NBEA: variants seen among roughly 807,000 people sequenced by gnomAD.
NBEA encodes the protein neurobeachin, also known as lysosomal-trafficking regulator 2.
Under a neutral mutation model 343.4 loss-of-function variants are expected in NBEA, and 44 were observed. The ratio of observed to expected loss-of-function variants is 0.13; its 90% CI spans 0.10 to 0.16. The LOEUF (loss-of-function observed/expected upper bound fraction) is 0.16. Ranked by LOEUF, NBEA falls within the 10% of genes least tolerant of loss-of-function variation. NBEA has a pLI of 1.00. For synonymous variants in NBEA, 1,175 were observed against 1,238.7 expected (o/e 0.95, Z 1.08); for missense variants, 2,555 against 3,631.3 (o/e 0.70, Z 7.62).
intron 41 of NBEA, chr13:35,474,901 G>A (rs2075794540): frequency 1.1e-6 from 1 of 910,630 alleles, no homozygotes; most frequent in Admixed American, 2.8e-5. Flanking sequence ...CCCCTTGTGG[G>A]GGTGGGTGAG....
intron 58 of NBEA, among the ~76,000 whole-genome samples, 152 bp from the exon 59 acceptor site, chr13:35,670,749 A>G (rs781330127): frequency 8.5e-5 from 13 of 152,220 alleles, no homozygotes; most frequent in Non-Finnish European, 1.5e-4. Flanking sequence ...TTTCAGTCCT[A>G]CTTCCATGAA....
chr13:35,269,657 T>A (rs1428609932), intron 34 of NBEA, among the ~76,000 whole-genome samples: 1 of 152,126 alleles, frequency 6.6e-6, no homozygotes, highest in Non-Finnish European at 1.5e-5. Context: ...AACAGACCAT[T>A]CGTTGGAGAA....
chr13:35,418,677 T>C (rs1286851970), intron 38 of NBEA, among the ~76,000 whole-genome samples: 1 of 152,090 alleles, frequency 6.6e-6, no homozygotes, highest in East Asian at 1.9e-4. Flanking sequence ...CTGGCACAGA[T>C]GCCAAATATA....
chr13:35,096,479 A>G (rs1342332921), intron 10 of NBEA, among the ~76,000 whole-genome samples: 1 of 151,936 alleles, frequency 6.6e-6, no homozygotes, highest in African/African-American at 2.4e-5. Context: ...TAAAAGAATG[A>G]GAAAATCCAT....
chr13:35,288,996 T>C (rs1435368668), intron 34 of NBEA, among the ~76,000 whole-genome samples: 1 of 151,950 alleles, frequency 6.6e-6, no homozygotes, highest in Admixed American at 6.6e-5. Flanking sequence ...CCCAAATATC[T>C]GATAAGATGG....
chr13:35,277,868 C>T (rs1156316361), intron 34 of NBEA, among the ~76,000 whole-genome samples: 1 of 151,330 alleles, frequency 6.6e-6, no homozygotes, highest in Admixed American at 6.6e-5. Context: ...AGGCAGATCA[C>T]TTGAGGCCAG....
chr13:35,616,661 C>T (rs2082751561), intron 48 of NBEA, among the ~76,000 whole-genome samples: 1 of 152,068 alleles, frequency 6.6e-6, no homozygotes, highest in Non-Finnish European at 1.5e-5. Context: ...GTAGGTTTTC[C>T]CTCTTACTGT....
chr13:35,426,867 A>ACTTCT (rs1335440951), intron 38 of NBEA, among the ~76,000 whole-genome samples: 1 of 151,478 alleles, frequency 6.6e-6, no homozygotes, highest in Non-Finnish European at 1.5e-5. Context: ...TTTTCTCTAA[A>ACTTCT]CTTCTCGCTT....
intron 33 of NBEA, among the ~76,000 whole-genome samples, chr13:35,223,025 G>A (rs955451429): frequency 3.3e-5 from 5 of 152,092 alleles, no homozygotes; most frequent in Middle Eastern, 3.2e-3. Context: ...CAGCTACTCC[G>A]GAGTCTGAGG....
At position 35,208,762 on chromosome 13, in the gene NBEA, C is replaced by A; in HGVS notation, c.5429C>A (p.Ala1810Asp). Residue 1810 changes from alanine to aspartate, a missense_variant, in exon 32 of 59, where the codon GCC (alanine) becomes GAC (aspartate). Around this residue, in one of 21 missense-constraint regions of NBEA, gnomAD observed 270 missense variants for 293.3 expected, o/e 0.92. Coordinates refer to ENST00000379939, the MANE Select transcript of NBEA (RefSeq NM_001385012.1). Reference sequence around the variant, plus strand: ...AGTTTAGCTGTAACCACTGTGGGAGCCACTACTGCTGGAAGTGGGCTGCCA... The same window carrying A: ...AGTTTAGCTGTAACCACTGTGGGAGACACTACTGCTGGAAGTGGGCTGCCA... ...PGSLAVTTVG[A>D]TTAGSGLPTG... 1.9e-6 allele frequency: 3 copies of A among 1,611,816 alleles called. No individual in the cohort carries two copies. The highest frequency in any genetic ancestry group is 1.7e-6 in the Non-Finnish European group (2 of 1,178,660).
chr13:35,230,686 C>T (rs2074919389), intron 33 of NBEA, among the ~76,000 whole-genome samples: 1 of 152,024 alleles, frequency 6.6e-6, no homozygotes, highest in Non-Finnish European at 1.5e-5. Flanking sequence ...TATTCACTAA[C>T]AGGTAACTTA....
At position 35,671,127 on chromosome 13, in the gene NBEA, C is replaced by T; in HGVS notation, c.*136C>T. 5.0e-6 allele frequency: 3 copies of T among 604,414 alleles called. No homozygotes were observed. Among genetic ancestry groups the T allele is most frequent in the Non-Finnish European group, 8.8e-6 (3 of 341,108 alleles). 37.4% of individuals were successfully genotyped at this position (604,414 alleles called of 1,614,324 possible). A position where few individuals can be genotyped will look rare whatever the true frequency, so the allele number is the denominator to read the frequency against. On this transcript the variant is annotated 3_prime_UTR_variant, in exon 59 of 59. Transcript: ENST00000379939. The stretch of plus-strand genomic sequence containing the variant: ...TCCATCACACCCAGCAATAGCTGTA[C>T]ATTGTAGTCAGCAACCATTTTACTT...
At chr13:35,084,076 C>A (rs980925699) in intron 10 of NBEA, among the ~76,000 whole-genome samples, 1 of 152,122 alleles carries the variant, frequency 6.6e-6, no homozygotes, top group African/African-American at 2.4e-5. Flanking sequence ...ATTCATAAAG[C>A]AAGTCCTTAG....
At chr13:35,599,353 A>C (rs546510371) in intron 47 of NBEA, among the ~76,000 whole-genome samples, 67 of 152,346 alleles carry the variant, frequency 4.4e-4, no homozygotes, top group Non-Finnish European at 8.5e-4. Context: ...ATTCATCGAC[A>C]ATTATGCAAT....
chr13:35,259,986 T>C (rs1051675064), intron 34 of NBEA, among the ~76,000 whole-genome samples: 8 of 152,248 alleles, frequency 5.3e-5, no homozygotes, highest in Non-Finnish European at 1.2e-4. Flanking sequence ...GCTTTAACAA[T>C]TGATGGCTAC....
At chr13:35,278,262 A>G (rs2034782834) in intron 34 of NBEA, among the ~76,000 whole-genome samples, 1 of 151,930 alleles carries the variant, frequency 6.6e-6, no homozygotes, top group Non-Finnish European at 1.5e-5. Flanking sequence ...AGGATGTTAT[A>G]AATTTGAACA....
At chr13:35,312,106 T>C (rs1380318652) in intron 36 of NBEA, among the ~76,000 whole-genome samples, 4 of 152,210 alleles carry the variant, frequency 2.6e-5, no homozygotes, top group Admixed American at 2.0e-4. Flanking sequence ...GGAATAGAGT[T>C]AGGAATAAGA....
chr13:35,458,519 C>T lies in NBEA; in HGVS notation c.6448+6284C>T, dbSNP rs73497915. 9.2e-5 allele frequency among the ~76,000 whole-genome samples: 14 copies of T among 152,168 alleles called. 1 individual carries two copies. In the East Asian group the frequency reaches 9.6e-4, roughly 10 times the overall value. ...ATATCAAAAGACAAAACAAAACTTACGAGCTGTTGAAATAAATATTTGGGG... is the reference window on the plus strand; with the variant it reads ...ATATCAAAAGACAAAACAAAACTTATGAGCTGTTGAAATAAATATTTGGGG... On this transcript the variant is annotated intron_variant, in intron 40 of 58. Transcript: ENST00000379939.
chr13:35,308,246 G>T (rs1047655337), intron 35 of NBEA, among the ~76,000 whole-genome samples: 8 of 151,180 alleles, frequency 5.3e-5, no homozygotes, highest in Non-Finnish European at 7.4e-5. Context: ...TGAACCCATG[G>T]CCAGGGCAGC....
Sources: allele counts gnomAD v4.1 joint callset (sites outside exome capture counted in the v4.1 genomes callset), GRCh38; gene constraint gnomAD v4.1.1; regional missense constraint gnomAD v4.1.1; transcripts MANE v1.5; gene names NCBI Gene and HGNC (gene_info 2026-07-23, HGNC 2026-07-21).